LPIN1: variants seen among roughly 807,000 people sequenced by gnomAD.
LPIN1 encodes the protein lipin 1, also known as phosphatidate phosphatase LPIN1.
Under a neutral mutation model 107.5 loss-of-function variants are expected in LPIN1, and 71 were observed. The ratio of observed to expected loss-of-function variants is 0.66; its 90% CI spans 0.55 to 0.80. LPIN1 has a LOEUF of 0.80. Ranked by LOEUF, LPIN1 falls within the 30% of genes least tolerant of loss-of-function variation. The pLI is 0.00. For synonymous variants in LPIN1, 445 were observed against 452.6 expected, an observed-to-expected ratio of 0.98 and a Z score of 0.21; for missense variants, 1,043 against 1,160.6, an observed-to-expected ratio of 0.90 and a Z score of 1.47.
intron 17 of LPIN1, among the ~76,000 whole-genome samples, chr2:11,812,788 G>A (rs1679902846): frequency 1.3e-5 from 2 of 152,192 alleles, no homozygotes; most frequent in South Asian, 2.1e-4. Flanking sequence ...AGTGGGCTAC[G>A]CTTTACATTT....
intron 1 of LPIN1, among the ~76,000 whole-genome samples, chr2:11,748,089 C>T (rs976164075): frequency 6.6e-6 from 1 of 152,052 alleles, no homozygotes; most frequent in Non-Finnish European, 1.5e-5. Context: ...GGAGAGAACG[C>T]GAGGGTTCAG....
intron 17 of LPIN1, among the ~76,000 whole-genome samples, chr2:11,808,391 C>G (rs1679078986): frequency 6.6e-6 from 1 of 152,182 alleles, no homozygotes; most frequent in South Asian, 2.1e-4. Context: ...ACCCACTGTT[C>G]TAGTGACTCC....
intron 1 of LPIN1, among the ~76,000 whole-genome samples, chr2:11,755,107 A>C (rs1170547138): frequency 6.6e-6 from 1 of 151,582 alleles, no homozygotes; most frequent in Non-Finnish European, 1.5e-5. Flanking sequence ...CTGGGACTAC[A>C]GGCGCCCGCC....
At chr2:11,693,798 A>ATATATATATAT (rs1553398389) in intron 1 of LPIN1, among the ~76,000 whole-genome samples, 1 of 16,902 alleles carries the variant, frequency 5.9e-5, no homozygotes, top group African/African-American at 1.7e-4. Context: ...GTATATATAT[A>ATATATATATAT]TATATATATA....
At position 11,771,264 on chromosome 2, in the gene LPIN1, C is replaced by T; in HGVS notation, c.289-108C>T. Reference sequence around the variant, plus strand: ...GCTGGGCCATCTGCTGTGGCCCTCCCCAGGAGGTGCTTGGCCTCTGAAGTG... The same window carrying T: ...GCTGGGCCATCTGCTGTGGCCCTCCTCAGGAGGTGCTTGGCCTCTGAAGTG... On this transcript the variant is annotated intron_variant, in intron 3 of 20. Coordinates refer to ENST00000674199, the MANE Select transcript of LPIN1 (RefSeq NM_001349206.2). The surrounding 1 kb of genome is among the most constrained non-coding windows in gnomAD (Gnocchi z 4.8). 1 of 1,102,458 alleles carries T rather than the reference C, an allele frequency of 9.1e-7. No homozygotes were observed. The highest frequency in any genetic ancestry group is 1.9e-5 in the Admixed American group (1 of 53,704). The allele number at this position is 1,102,458 out of a possible 1,614,324, so 68.3% of individuals were successfully genotyped here. A position where few individuals can be genotyped will look rare whatever the true frequency, so the allele number is the denominator to read the frequency against.
chr2:11,728,363 T>A (rs543091981), intron 1 of LPIN1, among the ~76,000 whole-genome samples: 1 of 152,292 alleles, frequency 6.6e-6, no homozygotes, highest in South Asian at 2.1e-4. Context: ...CTGGTTTAAA[T>A]CCTCTATCTT....
chr2:11,702,053 A>G (rs1273665371), intron 1 of LPIN1, among the ~76,000 whole-genome samples: 2 of 152,168 alleles, frequency 1.3e-5, no homozygotes, highest in African/African-American at 4.8e-5. Flanking sequence ...TTAATTGGGT[A>G]TGGGAAGACA....
chr2:11,790,649 T>C (rs1245450819), intron 12 of LPIN1, among the ~76,000 whole-genome samples: 1 of 152,206 alleles, frequency 6.6e-6, no homozygotes, highest in Non-Finnish European at 1.5e-5. Context: ...TACTGAATTA[T>C]CCCAGGACCG....
At chr2:11,723,969 C>CGA (rs1158999034), upstream of LPIN1, 1 of 152,090 alleles carries the variant, frequency 6.6e-6, no homozygotes, top group Non-Finnish European at 1.5e-5. Flanking sequence ...CAAACTTAGC[C>CGA]GAGATACCAT....
At chr2:11,777,996 C>T (rs1042508141) in intron 6 of LPIN1, among the ~76,000 whole-genome samples, 2 of 152,176 alleles carry the variant, frequency 1.3e-5, no homozygotes, top group African/African-American at 4.8e-5. Context: ...CCACAGCCTG[C>T]GCTTTTCCCA....
chr2:11,781,834 T>G (rs566815782), intron 7 of LPIN1, among the ~76,000 whole-genome samples: 1 of 152,320 alleles, frequency 6.6e-6, no homozygotes, highest in East Asian at 1.9e-4. Context: ...CAACAGAGAT[T>G]AGTTTTGCAA....
intron 3 of LPIN1, among the ~76,000 whole-genome samples, chr2:11,770,797 G>A (rs776631699): frequency 4.6e-5 from 7 of 152,224 alleles, no homozygotes; most frequent in Admixed American, 2.0e-4. Flanking sequence ...GAGAGGATCA[G>A]TATCTACTTC....
chr2:11,778,144 G>T (rs76885618), intron 6 of LPIN1, among the ~76,000 whole-genome samples: 1 of 151,640 alleles, frequency 6.6e-6, no homozygotes, highest in Non-Finnish European at 1.5e-5. Flanking sequence ...ACGTGGGGGG[G>T]CCCACGTGCC....
intron 12 of LPIN1, among the ~76,000 whole-genome samples, chr2:11,790,032 GTGAAGATAGGCCCTA>G (rs1675441203): frequency 6.6e-6 from 1 of 152,080 alleles, no homozygotes; most frequent in African/African-American, 2.4e-5. Flanking sequence ...TCCAAAACTT[GTGAAGATAGGCCCTA>G]TATTTTCTTT....
chr2:11,824,684 A>T lies in LPIN1; in HGVS notation c.2674A>T (p.Ser892Cys), dbSNP rs202129194. 153 of 1,614,112 alleles carry T rather than the reference A, an allele frequency of 9.5e-5. No individual in the cohort carries two copies. Among genetic ancestry groups the T allele is most frequent in the Non-Finnish European group, 6.8e-6 (8 of 1,180,018 alleles). ...VDHVFPLLKR[S>C]HSSDFPCSDT... ...CCACGTTTTCCCGTTGCTGAAAAGA[A>T]GCCATTCTTCAGACTTTCCCTGTTC... The change falls in exon 21 of 21, where the codon AGC becomes TGC. Residue 892 changes from serine to cysteine, a missense_variant. By Grantham distance (112) the Ser-to-Cys change is moderately radical. Coordinates refer to ENST00000674199, the MANE Select transcript of LPIN1 (RefSeq NM_001349206.2).
At chr2:11,763,974 T>TGA (rs1670287992) in intron 1 of LPIN1, among the ~76,000 whole-genome samples, 1 of 146,254 alleles carries the variant, frequency 6.8e-6, no homozygotes, top group African/African-American at 2.6e-5. Flanking sequence ...AGTGTGTGTG[T>TGA]GTGTGTGTGT....
At chr2:11,740,517 TA>T (rs879380145) in intron 1 of LPIN1, among the ~76,000 whole-genome samples, 3 of 149,692 alleles carry the variant, frequency 2.0e-5, no homozygotes, top group Admixed American at 6.7e-5. Context: ...CCTGTCTCTA[TA>T]AAAAAAAATA....
At chr2:11,814,662 C>T (rs778548644) in intron 17 of LPIN1, among the ~76,000 whole-genome samples, 4 of 151,640 alleles carry the variant, frequency 2.6e-5, no homozygotes, top group Non-Finnish European at 5.9e-5. Context: ...TGTGTAGGGG[C>T]GAATGAAGCA....
chr2:11,788,451 C>A lies in LPIN1; in HGVS notation c.1708C>A (p.Pro570Thr). 6.2e-7 allele frequency: 1 copy of A among 1,612,570 alleles called. No homozygotes were observed. Among genetic ancestry groups the A allele is most frequent in the Non-Finnish European group, 8.5e-7 (1 of 1,178,606 alleles). The change falls in exon 12 of 21, where the codon CCA (proline) becomes ACA (threonine). Residue 570 changes from proline to threonine, a missense_variant. Coordinates refer to ENST00000674199, the MANE Select transcript of LPIN1 (RefSeq NM_001349206.2). The part of the protein sequence containing the change: ...LAMQAFQKPL[P>T]KATVESIMRD... ...AATGCAGGCCTTCCAGAAACCTTTG[C>A]CAAAGGTGAGCTTTAACATGAGAAA...
Sources: gnomAD v4.1 joint callset for allele counts (sites outside exome capture counted in the v4.1 genomes callset) on GRCh38, gnomAD v4.1.1 for gene constraint, Gnocchi (gnomAD v3.1) non-coding constraint, MANE v1.5 for transcripts, NCBI Gene and HGNC (gene_info 2026-07-23, HGNC 2026-07-21) for gene names.